Variants in INSL6 observed in about 807,000 individuals in gnomAD.
The protein encoded by INSL6 is insulin like 6.
A neutral mutation model predicts 9.4 loss-of-function variants in INSL6; 16 were observed. The observed-to-expected ratio is 1.70, with a 90% CI of 1.15 to 2.59. The LOEUF (loss-of-function observed/expected upper bound fraction) is 2.59, where lower values mean the gene tolerates loss of function less well. Ranked by LOEUF, INSL6 falls within the 30% of genes most tolerant of loss-of-function variation. The pLI is 0.00. For missense variants in INSL6, 391 were observed against 257.3 expected (o/e 1.52, Z -3.56); for synonymous variants, 154 against 96.9 (o/e 1.59, Z -3.46).
At chr9:5,166,670 T>C (rs1825059143) in intron 1 of INSL6, among the ~76,000 whole-genome samples, 1 of 152,066 alleles carries the variant, frequency 6.6e-6, no homozygotes, top group Non-Finnish European at 1.5e-5. Flanking sequence ...AAAAGGGTAG[T>C]CAGAGTTATC....
chr9:5,065,161 CA>C, the INSL6 span: 2 of 546,430 alleles, frequency 3.7e-6, no homozygotes, highest in Non-Finnish European at 5.9e-6. Flanking sequence ...TTTTTTTAAA[CA>C]AAAGGCTATT....
the INSL6 span, chr9:5,044,428 A>G: frequency 1.2e-6 from 2 of 1,611,920 alleles, no homozygotes; most frequent in East Asian, 2.2e-5. Flanking sequence ...TTGGTATTGC[A>G]GTGGCAGCAA....
chr9:5,099,778 C>T, the INSL6 span: 1 of 152,160 alleles, frequency 6.6e-6, no homozygotes, highest in Non-Finnish European at 1.5e-5. Flanking sequence ...AATAATATCC[C>T]TAATTATCTT....
chr9:5,013,993 A>T, the INSL6 span, among the ~76,000 whole-genome samples: 1 of 152,216 alleles, frequency 6.6e-6, no homozygotes, highest in East Asian at 1.9e-4. Flanking sequence ...AATCTACTGC[A>T]TTACTTCTTC....
Position 5,126,155 on chromosome 9 carries a change from A to C in INSL6, c.*11-1644T>G, listed in dbSNP as rs1823979549. ...ACAGCTATGGAAATGGAAATTATAG[A>C]AGTTCCATATTTAACAGCCTTATGT... On this transcript the variant is annotated intron_variant, in intron 3 of 3. Transcript: ENST00000649639. 1.0e-5 allele frequency: 5 copies of C among 496,354 alleles called. No individual in the cohort carries two copies. In the Admixed American group the frequency reaches 1.9e-4, roughly 19 times the overall value. The allele number at this position is 496,354 out of a possible 1,614,324, so 30.7% of individuals were successfully genotyped here.
At chr9:5,114,757 C>A in the INSL6 span, 1 of 328,964 alleles carries the variant, frequency 3.0e-6, no homozygotes, top group South Asian at 2.6e-5. Context: ...CATGAGACAG[C>A]GACTGGCTCA....
intron 2 of INSL6, among the ~76,000 whole-genome samples, chr9:5,148,173 T>C (rs925281826): frequency 6.6e-6 from 1 of 152,206 alleles, no homozygotes; most frequent in Non-Finnish European, 1.5e-5. Context: ...TGGTATTCCT[T>C]CAATTGTGGT....
At chr9:5,152,008 TATA>T (rs1824722617) in intron 2 of INSL6, among the ~76,000 whole-genome samples, 1 of 151,978 alleles carries the variant, frequency 6.6e-6, no homozygotes. Context: ...TAAAAGGAAA[TATA>T]ATGACACAAG....
chr9:5,068,234 G>A, the INSL6 span, among the ~76,000 whole-genome samples: 1 of 151,642 alleles, frequency 6.6e-6, no homozygotes, highest in East Asian at 1.9e-4. Flanking sequence ...TGACCTTGAG[G>A]TATTGGTAGA....
At chr9:5,017,103 A>C in the INSL6 span, among the ~76,000 whole-genome samples, 1 of 152,238 alleles carries the variant, frequency 6.6e-6, no homozygotes, top group African/African-American at 2.4e-5. Flanking sequence ...GAGTGATAGC[A>C]GACTTCATAT....
the INSL6 span, among the ~76,000 whole-genome samples, chr9:5,028,328 C>T: frequency 4.6e-5 from 7 of 152,134 alleles, no homozygotes; most frequent in South Asian, 2.1e-4. Flanking sequence ...TAGGTCTCAA[C>T]GGTGGCTTAA....
the INSL6 span, among the ~76,000 whole-genome samples, chr9:4,999,871 C>G: frequency 2.0e-5 from 3 of 152,296 alleles, no homozygotes; most frequent in Non-Finnish European, 4.4e-5. Flanking sequence ...ATTAGATATG[C>G]ATGCTACTAC....
At chr9:4,998,597 A>G in the INSL6 span, among the ~76,000 whole-genome samples, 4 of 152,044 alleles carry the variant, frequency 2.6e-5, no homozygotes, top group Admixed American at 2.0e-4. Flanking sequence ...CACTTGTCCC[A>G]TATTTGTTCA....
At chr9:5,147,725 A>G (rs993475449) in intron 2 of INSL6, among the ~76,000 whole-genome samples, 7 of 152,150 alleles carry the variant, frequency 4.6e-5, no homozygotes, top group African/African-American at 1.7e-4. Flanking sequence ...ACATAATCCC[A>G]TATTTCTTGG....
At chr9:5,116,177 T>C in the INSL6 span, among the ~76,000 whole-genome samples, 1 of 152,208 alleles carries the variant, frequency 6.6e-6, no homozygotes, top group Non-Finnish European at 1.5e-5. Context: ...GATTATTATC[T>C]CTATTTTAAG....
chr9:5,183,133 T>C lies in INSL6; in HGVS notation c.289+2181A>G, dbSNP rs561159107. 7.2e-5 allele frequency among the ~76,000 whole-genome samples: 11 copies of C among 152,316 alleles called. No homozygotes were observed. The South Asian group carries it at 1.9e-3, about 26-fold the overall frequency. The stretch of plus-strand genomic sequence containing the variant: ...AATGATGTCATAATTATGTATTCTA[T>C]ATTAGAAACATATACATCTCTGCAA... On this transcript the variant is annotated intron_variant, in intron 1 of 1. Transcript: ENST00000381641.
At chr9:5,032,219 C>A in the INSL6 span, among the ~76,000 whole-genome samples, 45 of 152,300 alleles carry the variant, frequency 3.0e-4, no homozygotes, top group East Asian at 7.4e-3. Context: ...CCGCCATTGC[C>A]GAGGGTTGAG....
At chr9:5,145,824 C>G (rs1419449732) in intron 2 of INSL6, among the ~76,000 whole-genome samples, 1 of 152,170 alleles carries the variant, frequency 6.6e-6, no homozygotes, top group Admixed American at 6.6e-5. Flanking sequence ...CTTTTCTAGA[C>G]TGGCTATTTT....
rs542780059 is a variant in INSL6, at chr9:5,174,940, T to C, written c.289+10374A>G. Reference sequence around the variant, plus strand: ...CAGAATTAACAATGTTTTGGAGTCATTCTTTTTTTTTTTTTTTGAGACAGA... The same window carrying C: ...CAGAATTAACAATGTTTTGGAGTCACTCTTTTTTTTTTTTTTTGAGACAGA... On this transcript the variant is annotated intron_variant, in intron 1 of 1. Coordinates refer to ENST00000381641, the MANE Select transcript of INSL6 (RefSeq NM_007179.3). Among the ~76,000 whole-genome samples the C allele has an allele frequency of 4.4e-4, 66 of 150,316 alleles. 3 individuals carry two copies. The South Asian group carries it at 0.014, about 31-fold the overall frequency.
Sources: allele counts gnomAD v4.1 joint callset (sites outside exome capture counted in the v4.1 genomes callset), GRCh38; gene constraint gnomAD v4.1.1; transcripts MANE v1.5; gene names NCBI Gene and HGNC (gene_info 2026-07-23, HGNC 2026-07-21).